The following GFRA1 variants were observed in gnomAD, a reference collection of about 807,000 sequenced individuals.
The protein encoded by GFRA1 is GDNF family receptor alpha-1.
GFRA1 carries 16 observed loss-of-function variants against 51.6 expected under a neutral mutation model. The ratio of observed to expected loss-of-function variants is 0.31; its 90% CI spans 0.21 to 0.47. The LOEUF is 0.47. GFRA1 is among the 20% of genes least tolerant of loss of function. The probability of loss-of-function intolerance (pLI) is 1.00; values close to 1 mark genes in which losing one functional copy is unlikely to be tolerated. For synonymous variants in GFRA1, 270 were observed against 241.3 expected, an observed-to-expected ratio of 1.12 and a Z score of -1.10; for missense variants, 530 against 594.3, an observed-to-expected ratio of 0.89 and a Z score of 1.13.
intron 5 of GFRA1, among the ~76,000 whole-genome samples, chr10:116,163,140 A>T (rs1281689583): frequency 6.6e-6 from 1 of 152,212 alleles, no homozygotes; most frequent in African/African-American, 2.4e-5. Flanking sequence ...GTTCATAAAG[A>T]AGGTCACTAA....
intron 9 of GFRA1, among the ~76,000 whole-genome samples, chr10:116,082,121 C>T (rs546207071): frequency 6.6e-6 from 1 of 152,292 alleles, no homozygotes; most frequent in South Asian, 2.1e-4. Flanking sequence ...AACTGCATCA[C>T]CTCTTCCTAA....
At chr10:116,075,753 C>CT (rs888455775) in intron 9 of GFRA1, among the ~76,000 whole-genome samples, 50 of 151,416 alleles carry the variant, frequency 3.3e-4, no homozygotes, top group African/African-American at 9.4e-4. Context: ...GATCTATTAT[C>CT]TTTTTTTTTG....
At chr10:116,090,738 T>A (rs3781506) in intron 8 of GFRA1, among the ~76,000 whole-genome samples, 16,939 of 152,086 alleles carry the variant, frequency 0.11, 1,656 homozygotes, top group Admixed American at 0.22. Flanking sequence ...GGTTTTTTTT[T>A]ATTTCATATT....
intron 5 of GFRA1, among the ~76,000 whole-genome samples, chr10:116,160,340 T>C (rs1959623745): frequency 6.6e-6 from 1 of 152,240 alleles, no homozygotes; most frequent in African/African-American, 2.4e-5. Context: ...CTATTTTACA[T>C]TCCCACCAAC....
intron 5 of GFRA1, among the ~76,000 whole-genome samples, chr10:116,209,215 AATAACTGCTGTGCTGTCACCTGCT>A (rs1266807770): frequency 2.6e-4 from 40 of 152,356 alleles, no homozygotes; most frequent in African/African-American, 9.6e-4. Context: ...AAAACCCAGC[AATAACTGCTGTGCTGTCACCTGCT>A]ATAACAAGAT....
upstream of GFRA1, among the ~76,000 whole-genome samples, chr10:116,274,589 A>T (rs1469178927): frequency 6.6e-6 from 1 of 152,130 alleles, no homozygotes; most frequent in Non-Finnish European, 1.5e-5. Context: ...GGCGGGCTGC[A>T]TATTGTGTGG....
At chr10:116,079,367 A>C (rs1304109411) in intron 9 of GFRA1, among the ~76,000 whole-genome samples, 1 of 152,076 alleles carries the variant, frequency 6.6e-6, no homozygotes. Context: ...CCCTGCCTGC[A>C]CTACCTAGGA....
chr10:116,211,735 T>TG (rs1965212202), intron 4 of GFRA1, 90 bp from the exon 5 acceptor site: 1 of 1,041,876 alleles, frequency 9.6e-7, no homozygotes, highest in East Asian at 2.6e-5. Context: ...GACAGTATGA[T>TG]GATGACATAT....
At chr10:116,114,887 T>A (rs532593459) in intron 6 of GFRA1, among the ~76,000 whole-genome samples, 1 of 152,304 alleles carries the variant, frequency 6.6e-6, no homozygotes, top group South Asian at 2.1e-4. Context: ...CATTTAGTCC[T>A]CACTGCATCC....
chr10:116,211,494 C>T (rs1274719391), intron 5 of GFRA1, 137 bp downstream of exon 5: 2 of 779,064 alleles, frequency 2.6e-6, no homozygotes, highest in African/African-American at 1.7e-5. Flanking sequence ...AAGCCACTGT[C>T]CTCATGGTGT....
intron 5 of GFRA1, among the ~76,000 whole-genome samples, chr10:116,154,530 G>A (rs1959168049): frequency 6.6e-6 from 1 of 152,156 alleles, no homozygotes; most frequent in African/African-American, 2.4e-5. Context: ...GCTGACAGAA[G>A]GCAGAATGGT....
chr10:116,110,432 C>T (rs1382458304), intron 6 of GFRA1, among the ~76,000 whole-genome samples: 2 of 152,116 alleles, frequency 1.3e-5, no homozygotes, highest in Non-Finnish European at 2.9e-5. Flanking sequence ...TCCTGCCCAC[C>T]AGTAGGAGAG....
At chr10:116,163,723 C>A (rs577032348) in intron 5 of GFRA1, among the ~76,000 whole-genome samples, 2 of 152,192 alleles carry the variant, frequency 1.3e-5, no homozygotes, top group East Asian at 3.9e-4. Flanking sequence ...ATGGAATGCA[C>A]ACGGTAAGTT....
At position 116,272,749 on chromosome 10, in the gene GFRA1, AG is replaced by A. The variant is rs1035794631; in HGVS notation, c.-247+413del. On this transcript the variant is annotated intron_variant, in intron 1 of 10. Transcript: ENST00000355422. This position sits in a 1 kb window ranked among gnomAD's most constrained non-coding sequence, Gnocchi z 4.4. ...CTCCCCACTCCGATCGCCAATCCCT[AG>A]CCCCAGTCGCCGCCCTCCTTCTCCC... 6.6e-6 allele frequency: 1 copy of A among 152,050 alleles called. No homozygotes were observed. The highest frequency in any genetic ancestry group is 2.4e-5 in the African/African-American group (1 of 41,376). The allele number at this position is 152,050 out of a possible 1,614,324, so 9.4% of individuals were successfully genotyped here.
intron 7 of GFRA1, among the ~76,000 whole-genome samples, chr10:116,094,894 T>C (rs563595245): frequency 9.2e-5 from 14 of 152,134 alleles, no homozygotes; most frequent in Non-Finnish European, 1.8e-4. Flanking sequence ...GTTAAGGCCA[T>C]TGGATATGCC....
chr10:116,267,366 T>C (rs547097890), intron 4 of GFRA1, among the ~76,000 whole-genome samples: 1 of 152,082 alleles, frequency 6.6e-6, no homozygotes, highest in South Asian at 2.1e-4. Context: ...CTCGGGAGGC[T>C]GAGGCAGGAG....
intron 5 of GFRA1, among the ~76,000 whole-genome samples, chr10:116,129,650 C>T (rs1285397915): frequency 6.6e-6 from 1 of 152,058 alleles, no homozygotes; most frequent in Non-Finnish European, 1.5e-5. Flanking sequence ...ATGTCCTATA[C>T]ATCTCTAAAG....
In GFRA1 at chr10:116,063,037, A is replaced by T. The variant is rs931319870; in HGVS notation, c.*1361T>A. ...AATGACCTTCAGACCAAACTGCTCC[A>T]AACAGTGGCCAAGACGTTGCAGTCA... On this transcript the variant is annotated 3_prime_UTR_variant, in exon 11 of 11. Coordinates refer to ENST00000355422, the MANE Select transcript of GFRA1 (RefSeq NM_005264.8). 6.6e-6 allele frequency: 1 copy of T among 152,254 alleles called. No homozygotes were observed. The highest frequency in any genetic ancestry group is 1.5e-5 in the Non-Finnish European group (1 of 68,070). 9.4% of individuals were successfully genotyped at this position (152,254 alleles called of 1,614,324 possible). A position where few individuals can be genotyped will look rare whatever the true frequency, so the allele number is the denominator to read the frequency against.
At chr10:116,268,429 G>C (rs1397428358) in intron 4 of GFRA1, among the ~76,000 whole-genome samples, 1 of 152,208 alleles carries the variant, frequency 6.6e-6, no homozygotes, top group South Asian at 2.1e-4. Context: ...GATTCATGAA[G>C]GCAAGGTGAT....
Sources: allele counts gnomAD v4.1 joint callset (sites outside exome capture counted in the v4.1 genomes callset), GRCh38; gene constraint gnomAD v4.1.1; non-coding constraint Gnocchi (gnomAD v3.1); transcripts MANE v1.5; gene names NCBI Gene and HGNC (gene_info 2026-07-23, HGNC 2026-07-21).